TAF1: variants seen among roughly 807,000 people sequenced by gnomAD.
TAF1 encodes transcription initiation factor TFIID subunit 1.
A neutral mutation model predicts 138.5 loss-of-function variants in TAF1; 2 were observed. The ratio of observed to expected loss-of-function variants is 0.01; its 90% CI spans 0.01 to 0.05. TAF1 has a LOEUF of 0.05. TAF1 is among the 10% of genes least tolerant of loss of function. TAF1 has a pLI of 1.00. For synonymous variants in TAF1, 437 were observed against 503.2 expected (o/e 0.87, Z 1.76); for missense variants, 709 against 1,478.0 (o/e 0.48, Z 8.53).
rs1304832077 is a variant in TAF1, at chrX:71,394,293, AAGG to A, written c.3406+51_3406+53del. The A allele has an allele frequency of 5.2e-6, 6 of 1,148,038 alleles. No homozygotes were observed. The East Asian group carries it at 1.2e-4, about 23-fold the overall frequency. The allele number at this position is 1,148,038 out of a possible 1,213,427, so 94.6% of individuals were successfully genotyped here. On this transcript the variant is annotated intron_variant, in intron 22 of 37. Coordinates refer to ENST00000423759, the MANE Select transcript of TAF1 (RefSeq NM_004606.5). ...CAGATAAAAAAGAGAAGGGTTAAAA[AAGG>A]AGCCTACGTAACTGCAGACTGTAAT...
rs1242505196 is a variant in TAF1, at chrX:71,421,350, G to T, written c.4426G>T (p.Asp1476Tyr). 1 of 1,094,469 alleles carries T rather than the reference G, an allele frequency of 9.1e-7. No individual in the cohort carries two copies. The highest frequency in any genetic ancestry group is 1.2e-6 in the Non-Finnish European group (1 of 822,271). The allele number at this position is 1,094,469 out of a possible 1,213,427, so 90.2% of individuals were successfully genotyped here. A position where few individuals can be genotyped will look rare whatever the true frequency, so the allele number is the denominator to read the frequency against. ...SLTQISQSML[D>Y]LCDEKLKEKE... ...GACTCAGATCTCTCAATCCATGCTGGATCTCTGTGATGAAAAACTCAAAGA... is the reference window on the plus strand; with the variant it reads ...GACTCAGATCTCTCAATCCATGCTGTATCTCTGTGATGAAAAACTCAAAGA... The change falls in exon 29 of 38, where the codon GAT (aspartate) becomes TAT (tyrosine). Residue 1476 changes from aspartate to tyrosine, a missense_variant. By Grantham distance (160) the Asp-to-Tyr change is radical. Coordinates refer to ENST00000423759, the MANE Select transcript of TAF1 (RefSeq NM_004606.5).
At chrX:71,440,087 C>A (rs1454845378) in intron 32 of TAF1, among the ~76,000 whole-genome samples, 1 of 111,360 alleles carries the variant, frequency 9.0e-6, no homozygotes, top group Admixed American at 9.7e-5. Context: ...TCTGCACCCC[C>A]CACACACACA....
intron 28 of TAF1, among the ~76,000 whole-genome samples, chrX:71,419,138 A>T (rs1043109140): frequency 5.4e-5 from 6 of 112,048 alleles, no homozygotes; most frequent in Non-Finnish European, 1.1e-4. Context: ...TAAATTCTAC[A>T]AACAAAAGTT....
At chrX:71,424,121 G>A in intron 31 of TAF1, 33 bp from the exon 32 acceptor site, 1 of 1,195,546 alleles carries the variant, frequency 8.4e-7, no homozygotes, top group Non-Finnish European at 1.1e-6. Flanking sequence ...CTGTGTGTGT[G>A]TGTATCTGAG....
intron 13 of TAF1, among the ~76,000 whole-genome samples, chrX:71,483,778 C>CTATATATATATA (rs1486207258): frequency 1.8e-5 from 1 of 54,150 alleles, no homozygotes; most frequent in Non-Finnish European, 3.2e-5. Context: ...CTCTCTCTCT[C>CTATATATATATA]TCTATATATA....
downstream of TAF1, among the ~76,000 whole-genome samples, chrX:71,471,005 G>C (rs1026911070): frequency 1.9e-5 from 2 of 107,853 alleles, no homozygotes; most frequent in African/African-American, 6.8e-5. Context: ...GGACAACAGA[G>C]AAAGACCATG....
chrX:71,424,325 T>C, intron 32 of TAF1, 87 bp downstream of exon 32: 1 of 784,653 alleles, frequency 1.3e-6, no homozygotes, highest in African/African-American at 2.1e-5. Context: ...AAATTTTTTT[T>C]TGAGACAGGA....
chrX:71,447,696 CAAA>C (rs67753069), intron 32 of TAF1, among the ~76,000 whole-genome samples: 3 of 85,983 alleles, frequency 3.5e-5, no homozygotes. Context: ...GACACTGTGT[CAAA>C]AAAAAAAAAA....
rs2037424785 is a variant in TAF1 at position 71,441,580 on chromosome X, T to TC, written c.4754-12590_4754-12589insC. The TC allele has an allele frequency of 1.2e-5, 3 of 241,611 alleles. No individual in the cohort carries two copies. The Admixed American group carries it at 1.9e-4, about 15-fold the overall frequency. The allele number at this position is 241,611 out of a possible 1,213,427, so 19.9% of individuals were successfully genotyped here. On this transcript the variant is annotated intron_variant, in intron 32 of 37. Transcript: ENST00000423759. ...TTTGTGTTGAGAATGTGCAACATCC[T>TC]TCTAGCTATTTGAAACTATATATTG...
At chrX:71,483,768 CTCTCTCTCTCTCTA>C (rs1366103481) in intron 13 of TAF1, among the ~76,000 whole-genome samples, 7 of 77,515 alleles carry the variant, frequency 9.0e-5, no homozygotes, top group African/African-American at 2.7e-4. Context: ...CTCTCTCTCT[CTCTCTCTCTCTCTA>C]TATATATATA....
At chrX:71,488,365 T>C (rs1257982067) in intron 13 of TAF1, among the ~76,000 whole-genome samples, 1 of 106,042 alleles carries the variant, frequency 9.4e-6, no homozygotes, top group Admixed American at 1.0e-4. Context: ...TGCCTTGGCC[T>C]CCCGAGTAGC....
intron 13 of TAF1, among the ~76,000 whole-genome samples, chrX:71,482,777 C>A (rs905663372): frequency 1.8e-5 from 2 of 111,904 alleles, no homozygotes; most frequent in African/African-American, 6.5e-5. Context: ...TTCACTCTTC[C>A]TTTCACAAAG....
chrX:71,404,373 A>G (rs902600240), intron 25 of TAF1, among the ~76,000 whole-genome samples: 5 of 110,402 alleles, frequency 4.5e-5, no homozygotes, highest in Non-Finnish European at 9.5e-5. Flanking sequence ...TCTTTTTGAG[A>G]CGGAGTCTTG....
At chrX:71,378,057 A>G (rs2033609703) in intron 6 of TAF1, 178 bp from the exon 7 acceptor site, 2 of 590,905 alleles carry the variant, frequency 3.4e-6, no homozygotes, top group Non-Finnish European at 5.2e-6. Flanking sequence ...GCTGCTGAAT[A>G]AGAAGGTTTG....
intron 32 of TAF1, among the ~76,000 whole-genome samples, chrX:71,452,109 ACCCC>A (rs41443746): frequency 2.0e-5 from 1 of 50,610 alleles, no homozygotes; most frequent in Admixed American, 2.3e-4. Context: ...CGGGGGGCTG[ACCCC>A]CCCCCCCACC....
downstream of TAF1, among the ~76,000 whole-genome samples, chrX:71,468,636 G>C (rs1235378297): frequency 9.8e-6 from 1 of 102,359 alleles, no homozygotes; most frequent in Non-Finnish European, 2.0e-5. Flanking sequence ...AGTGAGCCGA[G>C]ATCACGCCAC....
intron 25 of TAF1, among the ~76,000 whole-genome samples, chrX:71,403,511 G>A (rs1239294100): frequency 8.9e-6 from 1 of 111,910 alleles, no homozygotes; most frequent in African/African-American, 3.2e-5. Context: ...AGCACATAAT[G>A]TCAGGTTTTC....
At chrX:71,469,719 G>A (rs1312037595), downstream of TAF1, among the ~76,000 whole-genome samples, 4 of 110,153 alleles carry the variant, frequency 3.6e-5, no homozygotes, top group East Asian at 1.1e-3. Flanking sequence ...ATTTTATTTT[G>A]AGACGGAGTT....
intron 13 of TAF1, among the ~76,000 whole-genome samples, chrX:71,471,375 G>A (rs1275924848): frequency 3.0e-5 from 3 of 100,125 alleles, no homozygotes; most frequent in African/African-American, 1.1e-4. Context: ...ACACACACAT[G>A]AATGGAACCC....
Sources: allele counts gnomAD v4.1 joint callset (sites outside exome capture counted in the v4.1 genomes callset), GRCh38; gene constraint gnomAD v4.1.1; transcripts MANE v1.5; gene names NCBI Gene and HGNC (gene_info 2026-07-23, HGNC 2026-07-21).